Variants in ANKRD35 observed in about 807,000 individuals in gnomAD.
ANKRD35 encodes the protein ankyrin repeat domain 35, also known as ankyrin repeat domain-containing protein 35.
A neutral mutation model predicts 109.9 loss-of-function variants in ANKRD35; 102 were observed. The ratio of observed to expected loss-of-function variants is 0.93; its 90% CI spans 0.79 to 1.09. The LOEUF (loss-of-function observed/expected upper bound fraction) is 1.09, where lower values mean the gene tolerates loss of function less well. Among genes scored for constraint, ANKRD35 ranks in the 50% least tolerant of loss-of-function variants. ANKRD35 has a pLI of 0.00. For missense variants in ANKRD35, 1,240 were observed against 1,230.1 expected (o/e 1.01, Z -0.12); for synonymous variants, 515 against 512.4 (o/e 1.01, Z -0.07).
chr1:145,872,960 C>G lies in ANKRD35; in HGVS notation c.1809G>C (p.Lys603Asn), dbSNP rs782712042. 1 of 1,610,280 alleles carries G rather than the reference C, an allele frequency of 6.2e-7. No homozygotes were observed. Among genetic ancestry groups the G allele is most frequent in the African/African-American group, 1.3e-5 (1 of 74,908 alleles). Residue 603 changes from lysine to asparagine, a missense_variant, in exon 10 of 14, where the codon AAG becomes AAC. By Grantham distance (94) the Lys-to-Asn change is moderately conservative. Coordinates refer to ENST00000355594, the MANE Select transcript of ANKRD35 (RefSeq NM_144698.5). ...GTCCCTTTGCCAGGCCTCCTAGGGC[C>G]TTTTCCCCTCCAAGGGCCCCTAGAG... ...GEPLGALGGE[K>N]ALGGLAKGQL... is the part of the protein sequence containing the mutation.
At chr1:145,877,945 T>G (rs1654143111) in intron 4 of ANKRD35, 23 bp downstream of exon 4, 1 of 1,609,748 alleles carries the variant, frequency 6.2e-7, no homozygotes, top group South Asian at 1.1e-5. Flanking sequence ...TTCATAAGAG[T>G]GGTATCAAGG....
In ANKRD35 at chr1:145,874,985, A is replaced by T; in HGVS notation, c.582T>A (p.Cys194Ter). 6.2e-7 allele frequency: 1 copy of T among 1,610,268 alleles called. No homozygotes were observed. Reference sequence around the variant, plus strand: ...CAGCCACCTCGGCACTGCCTTTCTCACAGGCCAGGATCAAAGCCGATCTGT... The same window carrying T: ...CAGCCACCTCGGCACTGCCTTTCTCTCAGGCCAGGATCAAAGCCGATCTGT... ...KNDKSALILA[C>*]EKGSAEVAEL... Residue 194 changes from cysteine (C) to a stop codon, truncating the protein, a stop_gained, in exon 8 of 14, where the codon TGT (cysteine) becomes TGA (stop). Transcript: ENST00000355594. LOFTEE classifies it high-confidence loss of function.
chr1:145,874,414 C>T (rs781882143), intron 8 of ANKRD35, among the ~76,000 whole-genome samples: 5 of 152,158 alleles, frequency 3.3e-5, no homozygotes, highest in South Asian at 4.1e-4. Flanking sequence ...TCATTTTGTT[C>T]GCTCATTTAT....
chr1:145,875,553 C>CT (rs200288013), intron 7 of ANKRD35, among the ~76,000 whole-genome samples: 45 of 147,378 alleles, frequency 3.1e-4, no homozygotes, highest in African/African-American at 7.5e-4. Context: ...GTTCTACATA[C>CT]TTTTTTTTTT....
At chr1:145,884,967 A>T (rs1157421790) in intron 1 of ANKRD35, among the ~76,000 whole-genome samples, 1 of 152,198 alleles carries the variant, frequency 6.6e-6, no homozygotes, top group Non-Finnish European at 1.5e-5. Flanking sequence ...TGTGAGGCTG[A>T]CCAGACTGCA....
intron 13 of ANKRD35, 110 bp downstream of exon 13, chr1:145,867,177 C>T: frequency 1.4e-6 from 1 of 705,368 alleles, no homozygotes; most frequent in Non-Finnish European, 2.5e-6. Flanking sequence ...CCAAAAGGCT[C>T]CCCATTGTCA....
intron 1 of ANKRD35, among the ~76,000 whole-genome samples, chr1:145,884,868 T>G (rs1407812942): frequency 6.6e-6 from 1 of 152,196 alleles, no homozygotes; most frequent in African/African-American, 2.4e-5. Flanking sequence ...GATCAGACAC[T>G]GCAGTGAACT....
chr1:145,885,620 T>A, intron 1 of ANKRD35, 100 bp downstream of exon 1: 1 of 1,377,480 alleles, frequency 7.3e-7, no homozygotes, highest in Non-Finnish European at 1.0e-6. Context: ...GAAAGACTGA[T>A]AAAAAGAAAA....
Position 145,868,314 on chromosome 1 carries a change from C to T in ANKRD35, c.2874G>A (p.Leu958=), listed in dbSNP as rs1553738049. The change falls in exon 11 of 14, where the codon CTG becomes CTA. Residue 958 remains leucine (L), a synonymous_variant. Transcript: ENST00000355594. ...RGENARLALQ[L]QDSQKNHEEI... ...ATCCCTGACAGCCAAAACATACCTG[C>T]AGCTGCAGGGCAAGGCGAGCATTTT... 6.2e-7 allele frequency: 1 copy of T among 1,614,168 alleles called. No homozygotes were observed. The highest frequency in any genetic ancestry group is 8.5e-7 in the Non-Finnish European group (1 of 1,180,014).
chr1:145,878,170 C>A, intron 3 of ANKRD35, 138 bp from the exon 4 acceptor site: 1 of 974,632 alleles, frequency 1.0e-6, no homozygotes, highest in Non-Finnish European at 1.6e-6. Context: ...CCAGAAATTC[C>A]TGTTCCCCAA....
At chr1:145,882,009 C>T (rs1654307650) in intron 1 of ANKRD35, among the ~76,000 whole-genome samples, 1 of 132,520 alleles carries the variant, frequency 7.5e-6, no homozygotes, top group Non-Finnish European at 1.5e-5. Flanking sequence ...GGCTGGAGTG[C>T]AGTGGCGTGG....
chr1:145,882,296 C>CT (rs57073568), intron 1 of ANKRD35, among the ~76,000 whole-genome samples: 1,807 of 103,546 alleles, frequency 0.017, 33 homozygotes, highest in African/African-American at 0.034. Context: ...TCTTTCTTTC[C>CT]TTTTTTTTTT....
intron 3 of ANKRD35, 88 bp from the exon 4 acceptor site, chr1:145,878,120 AAT>A (rs1171106906): frequency 7.9e-7 from 1 of 1,262,084 alleles, no homozygotes; most frequent in Non-Finnish European, 1.2e-6. Flanking sequence ...ACGCACAGAT[AAT>A]CAGGAGATTA....
At chr1:145,868,917 C>A (rs1454202227) in intron 10 of ANKRD35, among the ~76,000 whole-genome samples, 1 of 152,136 alleles carries the variant, frequency 6.6e-6, no homozygotes, top group Non-Finnish European at 1.5e-5. Flanking sequence ...TATATTGCTG[C>A]ACTTTTAAGT....
At position 145,876,754 on chromosome 1, in the gene ANKRD35, C is replaced by T. The variant is rs1203651547; in HGVS notation, c.382+62G>A. On this transcript the variant is annotated intron_variant, in intron 5 of 13. Transcript: ENST00000355594. ...GGCCCTGGCTGCCCTTCCCTCCTCA[C>T]GCCTCCCCTTTCCCACCCTGTAGTC... 57 of 1,611,466 alleles carry T rather than the reference C, an allele frequency of 3.5e-5. No homozygotes were observed. In the Middle Eastern group the frequency reaches 8.2e-4, roughly 23 times the overall value.
chr1:145,877,824 G>A lies in ANKRD35; in HGVS notation c.324+144C>T, dbSNP rs192202602. 16 of 737,482 alleles carry A rather than the reference G, an allele frequency of 2.2e-5. No individual in the cohort carries two copies. In the East Asian group the frequency reaches 4.5e-4, roughly 21 times the overall value. 45.7% of individuals were successfully genotyped at this position (737,482 alleles called of 1,614,324 possible). A position where few individuals can be genotyped will look rare whatever the true frequency, so the allele number is the denominator to read the frequency against. On this transcript the variant is annotated intron_variant, in intron 4 of 13. Coordinates refer to ENST00000355594, the MANE Select transcript of ANKRD35 (RefSeq NM_144698.5). Reference sequence around the variant, plus strand: ...TGCACATAGTAGTTAAATAAATGTTGGCAAACAAATGATTATCAGCCCTCC... The same window carrying A: ...TGCACATAGTAGTTAAATAAATGTTAGCAAACAAATGATTATCAGCCCTCC...
chr1:145,876,673 T>A, intron 5 of ANKRD35, 34 bp from the exon 6 acceptor site: 1 of 1,613,634 alleles, frequency 6.2e-7, no homozygotes. Context: ...AGGGGAAGCA[T>A]GAAGAAAGCC....
rs587672336 is a variant in ANKRD35, at chr1:145,885,804, G to A, written c.-46C>T. The A allele has an allele frequency of 6.7e-6, 10 of 1,483,526 alleles. No individual in the cohort carries two copies. The highest frequency in any genetic ancestry group is 2.3e-5 in the East Asian group (1 of 44,120). 91.9% of individuals were successfully genotyped at this position (1,483,526 alleles called of 1,614,324 possible). A position where few individuals can be genotyped will look rare whatever the true frequency, so the allele number is the denominator to read the frequency against. ...GGGATGGGGACGCGCAGAGAGCCGG[G>A]CCACAGGTTCCCGAACCCACCGGAC... On this transcript the variant is annotated 5_prime_UTR_variant, in exon 1 of 14. Transcript: ENST00000355594.
Position 145,872,046 on chromosome 1 carries a change from G to A in ANKRD35, c.2723C>T (p.Thr908Met), listed in dbSNP as rs782215041. 1.3e-5 allele frequency: 21 copies of A among 1,613,524 alleles called. No individual in the cohort carries two copies. In the Admixed American group the frequency reaches 2.0e-4, roughly 15 times the overall value. Residue 908 changes from threonine (T) to methionine (M), a missense_variant, in exon 10 of 14, where the codon ACG becomes ATG. Physicochemically the swap from Thr to Met is moderately conservative, Grantham distance 81 (BLOSUM62 -1). Coordinates refer to ENST00000355594, the MANE Select transcript of ANKRD35 (RefSeq NM_144698.5). ...MRGRSEQFEK[T>M]AELLKEKMEH... The stretch of plus-strand genomic sequence containing the variant: ...CATCTTCTCTTTCAGCAGCTCTGCC[G>A]TTTTCTCAAACTGCTCGGAGCGCCC...
Sources: allele counts gnomAD v4.1 joint callset (sites outside exome capture counted in the v4.1 genomes callset), GRCh38; gene constraint gnomAD v4.1.1; transcripts MANE v1.5; gene names NCBI Gene and HGNC (gene_info 2026-07-23, HGNC 2026-07-21).